The following HELZ2 variants were observed in gnomAD, a reference collection of about 807,000 sequenced individuals.
HELZ2 encodes the protein helicase with zinc finger 2, also known as 3'-5' exoribonuclease HELZ2.
Under a neutral mutation model 208.8 loss-of-function variants are expected in HELZ2, and 143 were observed. That is an observed-to-expected ratio of 0.68 (90% CI 0.60 to 0.79). HELZ2 has a LOEUF of 0.79. Ranked by LOEUF, HELZ2 falls within the 30% of genes least tolerant of loss-of-function variation. The pLI, the probability that HELZ2 is intolerant of heterozygous loss-of-function variation, is 0.00. For missense variants in HELZ2, 3,690 were observed against 3,794.5 expected, an observed-to-expected ratio of 0.97 and a Z score of 0.72; for synonymous variants, 1,705 against 1,693.7, an observed-to-expected ratio of 1.01 and a Z score of -0.16.
rs1236197167 is a variant in HELZ2 at position 63,572,340 on chromosome 20, C to T, written c.46G>A (p.Asp16Asn). Reference sequence around the variant, plus strand: ...TCAGGGGCAGGGGGTGTGAGCAGGTCCCCCCGCTGGAGGCCACCCAGCTGC... The same window carrying T: ...TCAGGGGCAGGGGGTGTGAGCAGGTTCCCCCGCTGGAGGCCACCCAGCTGC... Residue 16 changes from aspartate to asparagine, a missense_variant, in exon 1 of 19, where the codon GAC becomes AAC. Around this residue, in one of 3 missense-constraint regions of HELZ2, gnomAD observed 1,119 missense variants for 1,193.4 expected, o/e 0.94. Coordinates refer to ENST00000467148, the Ensembl canonical transcript of HELZ2. The T allele has an allele frequency of 3.2e-6, 5 of 1,574,480 alleles. No homozygotes were observed. The African/African-American group carries it at 4.0e-5, about 13-fold the overall frequency.
chr20:63,567,335 A>G (rs764217680), exon 6 of HELZ2: 3 of 1,607,004 alleles, frequency 1.9e-6, no homozygotes, highest in Non-Finnish European at 2.5e-6. Context: ...AGGGCCTCGC[A>G]CTCCAGCATC....
Position 63,561,063 on chromosome 20 carries a change from A to G in HELZ2, c.7146+19T>C, listed in dbSNP as rs1487842459. On this transcript the variant is annotated intron_variant, in intron 14 of 18. Transcript: ENST00000467148. ...CCAGGGACGCCTGCTCATGCTGCCC[A>G]CACCCCCCGCCGACCAACCTTCTCG... 1.2e-6 allele frequency: 2 copies of G among 1,604,670 alleles called. No individual in the cohort carries two copies. Among genetic ancestry groups the G allele is most frequent in the Non-Finnish European group, 1.7e-6 (2 of 1,174,744 alleles).
chr20:63,563,987 G>T, exon 8 of HELZ2: 1 of 1,603,020 alleles, frequency 6.2e-7, no homozygotes, highest in Admixed American at 1.7e-5. Context: ...GTAGTCCTGG[G>T]TGCGGGCAGC....
In HELZ2 at chr20:63,568,424, G is replaced by C. The variant is rs777112693; in HGVS notation, c.1664C>G (p.Ala555Gly). 3.7e-6 allele frequency: 6 copies of C among 1,608,146 alleles called. 1 individual carries two copies. The South Asian group carries it at 6.7e-5, about 18-fold the overall frequency. ...CCGGATGACCTCCAGGGAGGCCATG[G>C]CCAGCGTGTAGGTCTTGCCGGTGCC... The change falls in exon 5 of 19, where the codon GCC (alanine) becomes GGC (glycine). Residue 555 changes from alanine (A) to glycine (G), a missense_variant. Ala to Gly is a moderately conservative substitution (Grantham distance 60). This residue lies in a region of HELZ2 where 1,119 missense variants were observed against 1,193.4 expected (regional missense o/e 0.94). Transcript: ENST00000467148.
Position 63,570,820 on chromosome 20 carries a change from T to TTC in HELZ2, c.326_327insGA (p.Gln110AsnfsTer62). The TTC allele has an allele frequency of 2.5e-6, 4 of 1,609,464 alleles. No homozygotes were observed. The East Asian group carries it at 8.9e-5, about 36-fold the overall frequency. On this transcript the variant is annotated frameshift_variant, in exon 2 of 19. Coordinates refer to ENST00000467148, the Ensembl canonical transcript of HELZ2. LOFTEE classifies it high-confidence loss of function. ...GCCGGACCCACTCCTGCAGCTCCTGTGCTGAGTGTGCCTTGGTGCAGGCGT... is the reference window on the plus strand; with the variant it reads ...GCCGGACCCACTCCTGCAGCTCCTGTTCGCTGAGTGTGCCTTGGTGCAGGCGT...
At chr20:63,564,404 C>T (rs111775943) in exon 8 of HELZ2, 75 of 1,545,834 alleles carry the variant, frequency 4.9e-5, no homozygotes, top group African/African-American at 9.6e-5. Flanking sequence ...CGGCAGCTCA[C>T]GGCCGGCACC....
At chr20:63,565,822 C>T (rs372729067) in exon 8 of HELZ2, 130 of 1,599,026 alleles carry the variant, frequency 8.1e-5, no homozygotes, top group Non-Finnish European at 1.0e-4. Flanking sequence ...CCTCATCTCC[C>T]GGCTCTGCCT....
intron 11 of HELZ2, 31 bp downstream of exon 12, chr20:63,561,792 C>A: frequency 6.4e-7 from 1 of 1,554,326 alleles, no homozygotes; most frequent in Non-Finnish European, 8.7e-7. Context: ...TGCCAGCTCC[C>A]CAAAGGCCCC....
At chr20:63,562,812 T>C in exon 8 of HELZ2, 2 of 1,610,554 alleles carry the variant, frequency 1.2e-6, no homozygotes, top group Non-Finnish European at 1.7e-6. Context: ...TAGCAGCAGC[T>C]GAAGTTGATG....
At chr20:63,560,201 C>A (rs1225217429) in exon 17 of HELZ2, 5 of 1,556,942 alleles carry the variant, frequency 3.2e-6, no homozygotes, top group Non-Finnish European at 4.3e-6. Context: ...GACACGGCCA[C>A]CCCGGCGATG....
intron 5 of HELZ2, chr20:63,568,013 A>G (rs2082980769): frequency 7.5e-6 from 4 of 535,560 alleles, no homozygotes; most frequent in Non-Finnish European, 1.3e-5. Context: ...AGGAAACCAC[A>G]TAAACCAAAG....
exon 6 of HELZ2, chr20:63,567,238 GCCA>G: frequency 6.2e-7 from 1 of 1,608,312 alleles, no homozygotes; most frequent in Non-Finnish European, 8.5e-7. Context: ...CCGGGCCCTG[GCCA>G]CACTGAACAG....
chr20:63,564,814 G>A (rs2082931912), exon 8 of HELZ2: 1 of 1,609,898 alleles, frequency 6.2e-7, no homozygotes, highest in Non-Finnish European at 8.5e-7. Flanking sequence ...AGGCGCGGCA[G>A]TCCTCTCGGC....
downstream of HELZ2, chr20:63,559,058 G>A (rs1047939112): frequency 2.5e-4 from 148 of 603,248 alleles, no homozygotes; most frequent in Non-Finnish European, 3.6e-4. Flanking sequence ...ATGCCCAGGA[G>A]GAGCAAGAGT....
chr20:63,566,182 G>A (rs1315236528), exon 8 of HELZ2: 8 of 1,524,650 alleles, frequency 5.2e-6, no homozygotes, highest in East Asian at 2.3e-5. Flanking sequence ...GGCTGAGCAG[G>A]CTCTGGCAGG....
downstream of HELZ2, chr20:63,558,957 G>GTTCTGAGACT: frequency 3.2e-6 from 1 of 315,788 alleles, no homozygotes; most frequent in South Asian, 7.8e-5. Context: ...TTCCTTCCTG[G>GTTCTGAGACT]TTCTGAGACT....
Position 63,567,024 on chromosome 20 carries a change from G to A in HELZ2, c.2334C>T (p.Tyr778=), listed in dbSNP as rs751513930. ...CCGCCACGTGGCAGAACATGAGCGGGTAGTGCCGGGGGTGGGGCGGAACCT... is the reference window on the plus strand; with the variant it reads ...CCGCCACGTGGCAGAACATGAGCGGATAGTGCCGGGGGTGGGGCGGAACCT... The change falls in exon 6 of 19, where the codon TAC becomes TAT. Residue 778 remains tyrosine, a synonymous_variant. Coordinates refer to ENST00000467148, the Ensembl canonical transcript of HELZ2. The A allele has an allele frequency of 3.7e-6, 6 of 1,611,154 alleles. No homozygotes were observed. The Admixed American group carries it at 6.7e-5, about 18-fold the overall frequency.
chr20:63,566,889 G>A (rs373803818), exon 6 of HELZ2: 17 of 1,607,424 alleles, frequency 1.1e-5, no homozygotes, highest in South Asian at 4.4e-5. Context: ...GCTCGCGGCC[G>A]CCCCAGCAGC....
chr20:63,565,219 C>T, exon 8 of HELZ2: 11 of 1,608,432 alleles, frequency 6.8e-6, no homozygotes, highest in Non-Finnish European at 9.3e-6. Flanking sequence ...CAAACGCCAG[C>T]TCGTGCCTCT....
Sources: gnomAD v4.1 joint callset for allele counts on GRCh38, gnomAD v4.1.1 for gene constraint, gnomAD v4.1.1 regional missense constraint, MANE v1.5 for transcripts, NCBI Gene and HGNC (gene_info 2026-07-23, HGNC 2026-07-21) for gene names.